Variants in HSF2BP observed in about 807,000 individuals in gnomAD.
HSF2BP encodes the protein heat shock transcription factor 2 binding protein.
In HSF2BP, 35 loss-of-function variants were observed where a neutral mutation model predicts 35.0. The ratio of observed to expected loss-of-function variants is 1.00; its 90% confidence interval spans 0.76 to 1.32. The LOEUF is 1.32. HSF2BP is among the 40% of genes most tolerant of loss of function. The pLI, the probability that HSF2BP is intolerant of heterozygous loss-of-function variation, is 0.00. For missense variants in HSF2BP, 326 were observed against 321.7 expected (o/e 1.01, Z -0.10); for synonymous variants, 114 against 117.4 (o/e 0.97, Z 0.18).
At chr21:43,573,572 T>A (rs1405182647) in intron 8 of HSF2BP, among the ~76,000 whole-genome samples, 1 of 152,232 alleles carries the variant, frequency 6.6e-6, no homozygotes, top group Non-Finnish European at 1.5e-5. Flanking sequence ...GTTCATGTGA[T>A]AAATGCAGAT....
chr21:43,594,683 G>GGA (rs1279385242), intron 7 of HSF2BP, among the ~76,000 whole-genome samples: 1 of 151,954 alleles, frequency 6.6e-6, no homozygotes, highest in African/African-American at 2.4e-5. Flanking sequence ...AGAGAAGAAG[G>GGA]GAGAGAGAGA....
chr21:43,623,052 C>T (rs1458244116), intron 6 of HSF2BP, among the ~76,000 whole-genome samples: 2 of 151,992 alleles, frequency 1.3e-5, no homozygotes, highest in Non-Finnish European at 2.9e-5. Flanking sequence ...AGTCCTCCCA[C>T]CTGAGTCTCT....
At chr21:43,632,739 T>A (rs1485237248) in intron 5 of HSF2BP, among the ~76,000 whole-genome samples, 24 of 152,204 alleles carry the variant, frequency 1.6e-4, no homozygotes, top group Admixed American at 1.6e-3. Context: ...ACAAAAAATG[T>A]GTTAATCAAC....
intron 3 of HSF2BP, 133 bp from the exon 4 acceptor site, chr21:43,644,525 T>G: frequency 1.5e-6 from 1 of 655,896 alleles, no homozygotes. Flanking sequence ...TTTCTTGACT[T>G]CTAGCCTGTC....
chr21:43,610,843 T>A (rs1402827266), intron 7 of HSF2BP, among the ~76,000 whole-genome samples: 1 of 152,150 alleles, frequency 6.6e-6, no homozygotes, highest in Non-Finnish European at 1.5e-5. Flanking sequence ...CTCAGACAGG[T>A]TAGCAAAGAG....
At chr21:43,642,086 C>T (rs1196796890) in intron 4 of HSF2BP, among the ~76,000 whole-genome samples, 1 of 151,966 alleles carries the variant, frequency 6.6e-6, no homozygotes, top group Non-Finnish European at 1.5e-5. Context: ...CACTTGAGCC[C>T]AGGAGTTGAA....
intron 6 of HSF2BP, among the ~76,000 whole-genome samples, chr21:43,628,684 T>C (rs1024136308): frequency 3.3e-5 from 5 of 152,226 alleles, no homozygotes; most frequent in Admixed American, 6.5e-5. Context: ...ACAAAGTCGC[T>C]TTCTATTGGA....
intron 3 of HSF2BP, among the ~76,000 whole-genome samples, chr21:43,653,279 GAAGA>G (rs1268055910): frequency 4.0e-5 from 6 of 151,044 alleles, no homozygotes; most frequent in African/African-American, 7.3e-5. Context: ...GAGAAGGAAG[GAAGA>G]GAGAGAGAGA....
rs182870256 is a variant in HSF2BP, at chr21:43,614,228, G to A, written c.575-281C>T. Among the ~76,000 whole-genome samples the A allele has an allele frequency of 1.5e-3, 223 of 152,002 alleles. 1 individual carries two copies. The highest frequency in any genetic ancestry group is 5.1e-3 in the African/African-American group (212 of 41,440). ...AAAATTTAAAAATTAGCCGGGCACG[G>A]TGTGTGCACCTGTAGTCCTAGCTAT... On this transcript the variant is annotated intron_variant, in intron 6 of 8. Coordinates refer to ENST00000291560, the MANE Select transcript of HSF2BP (RefSeq NM_007031.2).
intron 2 of HSF2BP, among the ~76,000 whole-genome samples, chr21:43,657,004 G>A (rs941603459): frequency 1.3e-5 from 2 of 152,162 alleles, no homozygotes; most frequent in African/African-American, 4.8e-5. Flanking sequence ...GAAATCCCAG[G>A]AATTTGGGAG....
intron 7 of HSF2BP, among the ~76,000 whole-genome samples, chr21:43,595,222 A>C (rs1450165242): frequency 6.6e-6 from 1 of 152,206 alleles, no homozygotes; most frequent in African/African-American, 2.4e-5. Flanking sequence ...AGATCGCACC[A>C]CTGCATTCCA....
chr21:43,593,154 T>C (rs1323260245), intron 7 of HSF2BP, among the ~76,000 whole-genome samples: 2 of 152,130 alleles, frequency 1.3e-5, no homozygotes, highest in African/African-American at 4.8e-5. Flanking sequence ...AGAGCTTCAG[T>C]TACAGTGGCT....
At chr21:43,606,873 T>C (rs1198206323) in intron 7 of HSF2BP, among the ~76,000 whole-genome samples, 1 of 152,172 alleles carries the variant, frequency 6.6e-6, no homozygotes, top group Non-Finnish European at 1.5e-5. Flanking sequence ...AGAAACAGCC[T>C]TTTAAAAATG....
chr21:43,573,821 C>T (rs1601603486), intron 8 of HSF2BP, among the ~76,000 whole-genome samples: 1 of 152,146 alleles, frequency 6.6e-6, no homozygotes, highest in South Asian at 2.1e-4. Context: ...CTGGGCATCT[C>T]GGGGCTCATC....
intron 4 of HSF2BP, among the ~76,000 whole-genome samples, chr21:43,642,399 C>CCT (rs1056178864): frequency 6.6e-6 from 1 of 152,014 alleles, no homozygotes; most frequent in Non-Finnish European, 1.5e-5. Context: ...TTCTAGAGTC[C>CCT]CTCCTCATGA....
At chr21:43,574,531 A>G (rs1191408306) in intron 8 of HSF2BP, among the ~76,000 whole-genome samples, 1 of 151,782 alleles carries the variant, frequency 6.6e-6, no homozygotes, top group East Asian at 1.9e-4. Context: ...CTAATTTTTT[A>G]TATTTTTAGT....
intron 6 of HSF2BP, among the ~76,000 whole-genome samples, chr21:43,622,484 A>G (rs1584917): frequency 0.64 from 96,569 of 151,980 alleles, 30,957 homozygotes; most frequent in East Asian, 0.79. Flanking sequence ...GTGGAAAAAG[A>G]TATCTATGCA....
At chr21:43,646,905 C>A (rs2082716257) in intron 3 of HSF2BP, among the ~76,000 whole-genome samples, 1 of 152,184 alleles carries the variant, frequency 6.6e-6, no homozygotes, top group Non-Finnish European at 1.5e-5. Context: ...TTCAACTTGG[C>A]CCCACTGCAT....
In HSF2BP at chr21:43,620,223, C is replaced by T. The variant is rs192166519; in HGVS notation, c.575-6276G>A. Among the ~76,000 whole-genome samples, 17 of 152,304 alleles carry T rather than the reference C, an allele frequency of 1.1e-4. No homozygotes were observed. The East Asian group carries it at 1.3e-3, about 12-fold the overall frequency. ...AGAAACAACAGGAAACAGGGAACCA[C>T]GGCCTCCCCAAACAGACAAAGCAAG... On this transcript the variant is annotated intron_variant, in intron 6 of 8. Transcript: ENST00000291560.
Sources: gnomAD v4.1 joint callset for allele counts (sites outside exome capture counted in the v4.1 genomes callset) on GRCh38, gnomAD v4.1.1 for gene constraint, MANE v1.5 for transcripts, NCBI Gene and HGNC (gene_info 2026-07-23, HGNC 2026-07-21) for gene names.